ANKRD55: variants seen among roughly 807,000 people sequenced by gnomAD.
ANKRD55 encodes ankyrin repeat domain-containing protein 55.
In ANKRD55, 41 loss-of-function variants were observed where a neutral mutation model predicts 60.6. The observed-to-expected ratio is 0.68, with a 90% confidence interval of 0.53 to 0.88. The LOEUF is 0.88. Among genes scored for constraint, ANKRD55 ranks in the 40% least tolerant of loss-of-function variants. The probability of loss-of-function intolerance (pLI) is 0.00; values close to 1 mark genes in which losing one functional copy is unlikely to be tolerated. For synonymous variants in ANKRD55, 264 were observed against 290.3 expected (o/e 0.91, Z 0.92); for missense variants, 732 against 767.6 (o/e 0.95, Z 0.55).
chr5:56,201,785 A>G (rs1488805549), intron 2 of ANKRD55, among the ~76,000 whole-genome samples: 1 of 152,212 alleles, frequency 6.6e-6, no homozygotes, highest in Admixed American at 6.5e-5. Context: ...CAGCAATCCC[A>G]TTACTAGGTA....
chr5:56,191,935 G>A (rs1389817412), intron 2 of ANKRD55, among the ~76,000 whole-genome samples: 3 of 152,162 alleles, frequency 2.0e-5, no homozygotes, highest in Non-Finnish European at 4.4e-5. Flanking sequence ...ATAGAAATGA[G>A]GAAGCATGAT....
chr5:56,102,619 A>C lies in ANKRD55; in HGVS notation c.1631-33T>G, dbSNP rs761103719. 7 of 1,501,210 alleles carry C rather than the reference A, an allele frequency of 4.7e-6. No homozygotes were observed. The South Asian group carries it at 6.8e-5, about 15-fold the overall frequency. 93.0% of individuals were successfully genotyped at this position (1,501,210 alleles called of 1,614,324 possible). A position where few individuals can be genotyped will look rare whatever the true frequency, so the allele number is the denominator to read the frequency against. On this transcript the variant is annotated intron_variant, in intron 10 of 11. Coordinates refer to ENST00000341048, the MANE Select transcript of ANKRD55 (RefSeq NM_024669.3). ...TAAACATATTTGCATCAATTACTTG[A>C]GACTCAACCAAGTGCAAATTACAGA...
intron 3 of ANKRD55, among the ~76,000 whole-genome samples, chr5:56,176,565 T>C (rs1407196420): frequency 6.6e-6 from 1 of 152,222 alleles, no homozygotes; most frequent in East Asian, 1.9e-4. Flanking sequence ...CAGCATAATT[T>C]AAGACATAAC....
chr5:56,118,497 C>T (rs1250845803), intron 8 of ANKRD55, among the ~76,000 whole-genome samples: 1 of 151,500 alleles, frequency 6.6e-6, no homozygotes, highest in Non-Finnish European at 1.5e-5. Flanking sequence ...TGCTGGCGGG[C>T]CCTGTAGTCT....
rs755500687 is a variant in ANKRD55 at position 56,159,863 on chromosome 5, G to A, written c.453C>T (p.Asn151=). The A allele has an allele frequency of 6.8e-5, 110 of 1,613,810 alleles. No individual in the cohort carries two copies. The Admixed American group carries it at 1.8e-3, about 27-fold the overall frequency. The change falls in exon 6 of 12, where the codon AAC becomes AAT. Residue 151 remains asparagine (N), a synonymous_variant. Coordinates refer to ENST00000341048, the MANE Select transcript of ANKRD55 (RefSeq NM_024669.3). The part of the protein sequence containing the change: ...RLLTVLLQQS[N]ISEINHQDNE... ...TGTCCTGGTGATTAATCTCGCTGAT[G>A]TTCGACTGTTGCAACAGGACCGTGA...
At chr5:56,122,646 GA>G (rs1757102830) in intron 8 of ANKRD55, among the ~76,000 whole-genome samples, 1 of 152,038 alleles carries the variant, frequency 6.6e-6, no homozygotes, top group South Asian at 2.1e-4. Context: ...GTGACAGGGT[GA>G]GACTCTGTCT....
chr5:56,103,142 C>G (rs1221923520), intron 10 of ANKRD55, among the ~76,000 whole-genome samples: 1 of 152,164 alleles, frequency 6.6e-6, no homozygotes, highest in Non-Finnish European at 1.5e-5. Context: ...GAATCATTGA[C>G]CTGGAAGACG....
chr5:56,177,773 TCA>T (rs1491435841), intron 3 of ANKRD55, among the ~76,000 whole-genome samples: 1 of 133,418 alleles, frequency 7.5e-6, no homozygotes, highest in African/African-American at 3.8e-5. Flanking sequence ...AGACTCCATC[TCA>T]AAAAAAAAAC....
chr5:56,175,825 T>G (rs1281769081), intron 4 of ANKRD55, among the ~76,000 whole-genome samples: 1 of 152,106 alleles, frequency 6.6e-6, no homozygotes, highest in Non-Finnish European at 1.5e-5. Context: ...TGGGGTTATT[T>G]AGGGAGATTG....
intron 5 of ANKRD55, among the ~76,000 whole-genome samples, chr5:56,163,006 C>T (rs1424808210): frequency 1.3e-5 from 2 of 152,164 alleles, no homozygotes; most frequent in African/African-American, 4.8e-5. Context: ...CCTAGACTTT[C>T]TCCAGTTGCC....
intron 4 of ANKRD55, among the ~76,000 whole-genome samples, chr5:56,175,257 A>G (rs1312749280): frequency 6.6e-6 from 1 of 152,194 alleles, no homozygotes; most frequent in African/African-American, 2.4e-5. Context: ...ATTCAGCAGG[A>G]CACCCTCAAT....
At chr5:56,138,418 G>C (rs2111748740) in intron 7 of ANKRD55, among the ~76,000 whole-genome samples, 1 of 152,248 alleles carries the variant, frequency 6.6e-6, no homozygotes, top group Admixed American at 6.5e-5. Context: ...GAGCCAACGT[G>C]CCTGGTCATT....
intron 9 of ANKRD55, among the ~76,000 whole-genome samples, chr5:56,112,567 G>A (rs1448248273): frequency 7.1e-6 from 1 of 141,188 alleles, no homozygotes; most frequent in Non-Finnish European, 1.5e-5. Context: ...CGAGGGAAGA[G>A]GAGGAGTGCA....
chr5:56,101,958 A>G (rs961184350), intron 11 of ANKRD55, among the ~76,000 whole-genome samples: 1 of 152,200 alleles, frequency 6.6e-6, no homozygotes, highest in Non-Finnish European at 1.5e-5. Context: ...TATTGTTTCA[A>G]TAGTTCAAAC....
Position 56,176,213 on chromosome 5 carries a change from C to G in ANKRD55, c.251G>C (p.Gly84Ala). ...ADTVKLLLKMGANINMQDAYG... is the reference protein window; with the variant it reads ...ADTVKLLLKMAANINMQDAYG... ...AGCATCCTGCATGTTAATATTGGCT[C>G]CCATCTTCAACAGCAGCTTCACTGT... Residue 84 changes from glycine to alanine, a missense_variant, in exon 4 of 12, where the codon GGA becomes GCA. Gly to Ala is a moderately conservative substitution (Grantham distance 60). This residue lies in a region of ANKRD55 where 131 missense variants were observed against 142.7 expected (regional missense o/e 0.92). Coordinates refer to ENST00000341048, the MANE Select transcript of ANKRD55 (RefSeq NM_024669.3). 2 of 1,614,188 alleles carry G rather than the reference C, an allele frequency of 1.2e-6. No individual in the cohort carries two copies. The highest frequency in any genetic ancestry group is 2.2e-5 in the South Asian group (2 of 91,080).
intron 10 of ANKRD55, among the ~76,000 whole-genome samples, chr5:56,108,613 A>G (rs1756570078): frequency 6.6e-6 from 1 of 152,244 alleles, no homozygotes; most frequent in Non-Finnish European, 1.5e-5. Context: ...TGAGGGAGCC[A>G]TATTCTACTT....
intron 2 of ANKRD55, chr5:56,193,241 G>C (rs972581335): frequency 1.9e-5 from 20 of 1,038,882 alleles, no homozygotes; most frequent in Middle Eastern, 3.4e-4. Context: ...AAACAGACAA[G>C]TGTCACATAG....
chr5:56,166,158 T>TTTCTTTCCTTCCTTCCTTCCTTCC (rs1554040812), intron 5 of ANKRD55, among the ~76,000 whole-genome samples: 5 of 72,436 alleles, frequency 6.9e-5, no homozygotes, highest in African/African-American at 2.6e-4. Context: ...TTCTTTCTTC[T>TTTCTTTCCTTCCTTCCTTCCTTCC]TTCCTTCCTT....
chr5:56,231,710 A>G (rs796213006), intron 2 of ANKRD55, among the ~76,000 whole-genome samples: 1 of 150,336 alleles, frequency 6.7e-6, no homozygotes, highest in African/African-American at 2.5e-5. Context: ...CACATACACA[A>G]ACACTATTCC....
Sources: allele counts gnomAD v4.1 joint callset (sites outside exome capture counted in the v4.1 genomes callset), GRCh38; gene constraint gnomAD v4.1.1; regional missense constraint gnomAD v4.1.1; transcripts MANE v1.5; gene names NCBI Gene and HGNC (gene_info 2026-07-23, HGNC 2026-07-21).